The following THSD7B variants were observed in gnomAD, a reference collection of about 807,000 sequenced individuals.
THSD7B encodes thrombospondin type 1 domain containing 7B, also known as thrombospondin type-1 domain-containing protein 7B.
In THSD7B, 138 loss-of-function variants were observed where a neutral mutation model predicts 213.6. That is an observed-to-expected ratio of 0.65 (90% CI 0.56 to 0.74). The LOEUF is 0.74. Ranked by LOEUF, THSD7B falls within the 30% of genes least tolerant of loss-of-function variation. The pLI, the probability that THSD7B is intolerant of heterozygous loss-of-function variation, is 0.00. For missense variants in THSD7B, 1,931 were observed against 1,991.5 expected (o/e 0.97, Z 0.58); for synonymous variants, 742 against 687.0 (o/e 1.08, Z -1.25).
intron 10 of THSD7B, among the ~76,000 whole-genome samples, chr2:137,264,644 C>T (rs1285216600): frequency 6.6e-6 from 1 of 152,042 alleles, no homozygotes; most frequent in Non-Finnish European, 1.5e-5. Flanking sequence ...TGCCAAGTCT[C>T]TTCAGTATTA....
chr2:137,565,780 T>C (rs1681225560), intron 16 of THSD7B, among the ~76,000 whole-genome samples: 1 of 152,164 alleles, frequency 6.6e-6, no homozygotes, highest in African/African-American at 2.4e-5. Flanking sequence ...CAGGTCTTTC[T>C]TTTTCTGTTC....
intron 1 of THSD7B, among the ~76,000 whole-genome samples, chr2:136,868,573 T>G (rs1683382257): frequency 6.6e-6 from 1 of 152,238 alleles, no homozygotes. Flanking sequence ...ATAATTCTTT[T>G]GACATTAAAT....
chr2:136,990,285 T>C (rs1162480454), intron 2 of THSD7B, among the ~76,000 whole-genome samples: 1 of 152,222 alleles, frequency 6.6e-6, no homozygotes, highest in East Asian at 1.9e-4. Flanking sequence ...TCTTCAGTAA[T>C]GTGAGGGGCA....
intron 7 of THSD7B, among the ~76,000 whole-genome samples, chr2:137,180,867 C>T (rs1033740587): frequency 6.6e-6 from 1 of 152,160 alleles, no homozygotes; most frequent in Non-Finnish European, 1.5e-5. Context: ...TCCAACTTGG[C>T]CTGAGATTTA....
intron 15 of THSD7B, among the ~76,000 whole-genome samples, chr2:137,552,886 G>T (rs189703102): frequency 6.6e-6 from 1 of 152,276 alleles, no homozygotes; most frequent in African/African-American, 2.4e-5. Context: ...GGGAAAGTGT[G>T]AGCCATGAAT....
In THSD7B at chr2:137,657,155, T is replaced by C; in HGVS notation, c.4370T>C (p.Val1457Ala). Residue 1457 changes from valine (V) to alanine (A), a missense_variant, in exon 24 of 28, where the codon GTC becomes GCC. By Grantham distance (64) the Val-to-Ala change is moderately conservative. Coordinates refer to ENST00000409968, the MANE Select transcript of THSD7B (RefSeq NM_001316349.2). ...TGCCAGCGTTCAGATGGCGTTAATG[T>C]CACAGGTATTCCTGCCTAAGACTCA... is the stretch of plus-strand genomic sequence containing the variant. Reference protein sequence around the residue: ...VWCQRSDGVNVTGGCSPQARP... With the variant: ...VWCQRSDGVNATGGCSPQARP... 6.2e-7 allele frequency: 1 copy of C among 1,613,978 alleles called. No homozygotes were observed. The highest frequency in any genetic ancestry group is 8.5e-7 in the Non-Finnish European group (1 of 1,179,866).
chr2:137,289,524 T>C (rs1330163622), intron 12 of THSD7B, among the ~76,000 whole-genome samples: 3 of 152,126 alleles, frequency 2.0e-5, no homozygotes, highest in Non-Finnish European at 4.4e-5. Context: ...ATGTGTGTGA[T>C]ATTGTCAAAT....
In THSD7B at chr2:137,393,214, G is replaced by T. The variant is rs1293909250; in HGVS notation, c.2501-12399G>T. On this transcript the variant is annotated intron_variant, in intron 12 of 27. Transcript: ENST00000409968. ...TAGGGTACATGTGCACATTGTGCAGGTTAGTTACATATGTATACATGTGCC... is the reference window on the plus strand; with the variant it reads ...TAGGGTACATGTGCACATTGTGCAGTTTAGTTACATATGTATACATGTGCC... Among the ~76,000 whole-genome samples, 8 of 148,890 alleles carry T rather than the reference G, an allele frequency of 5.4e-5. No homozygotes were observed. The East Asian group carries it at 1.6e-3, about 29-fold the overall frequency.
intron 15 of THSD7B, among the ~76,000 whole-genome samples, chr2:137,536,838 G>A (rs1026061739): frequency 1.7e-4 from 25 of 151,504 alleles, no homozygotes; most frequent in Admixed American, 5.9e-4. Context: ...ATTTATTGCC[G>A]CATAGAAATT....
At chr2:137,224,923 A>G (rs945952890) in intron 7 of THSD7B, among the ~76,000 whole-genome samples, 1 of 151,894 alleles carries the variant, frequency 6.6e-6, no homozygotes, top group Non-Finnish European at 1.5e-5. Flanking sequence ...ATTTGGAAAT[A>G]TTTTTTTCTT....
intron 5 of THSD7B, among the ~76,000 whole-genome samples, chr2:137,119,380 G>A (rs573641563): frequency 2.6e-5 from 4 of 152,288 alleles, no homozygotes; most frequent in African/African-American, 7.2e-5. Flanking sequence ...AATAATAATT[G>A]AACTATTGAC....
At chr2:137,386,554 A>G (rs1338027857) in intron 12 of THSD7B, among the ~76,000 whole-genome samples, 2 of 152,150 alleles carry the variant, frequency 1.3e-5, no homozygotes, top group Non-Finnish European at 2.9e-5. Flanking sequence ...TTCTTTAACT[A>G]TTAGAGTTGA....
At chr2:137,672,900 A>G (rs557838984) in intron 27 of THSD7B, among the ~76,000 whole-genome samples, 7 of 152,328 alleles carry the variant, frequency 4.6e-5, no homozygotes, top group Non-Finnish European at 1.0e-4. Context: ...GTAAATATCC[A>G]TGAAGCAATT....
At chr2:137,048,195 A>G (rs958735169) in intron 2 of THSD7B, among the ~76,000 whole-genome samples, 1 of 152,284 alleles carries the variant, frequency 6.6e-6, no homozygotes, top group African/African-American at 2.4e-5. Flanking sequence ...GAAAGGAGAA[A>G]AGAAAAAAGT....
chr2:137,037,261 G>T (rs890186556), intron 2 of THSD7B, among the ~76,000 whole-genome samples: 1 of 152,032 alleles, frequency 6.6e-6, no homozygotes, highest in Non-Finnish European at 1.5e-5. Flanking sequence ...ACATATGTGA[G>T]TACTGCAAAT....
intron 15 of THSD7B, among the ~76,000 whole-genome samples, chr2:137,451,560 C>G (rs1421066362): frequency 6.6e-6 from 1 of 151,316 alleles, no homozygotes; most frequent in Admixed American, 6.6e-5. Context: ...TACCTGCTTT[C>G]TCAAAAATCA....
At chr2:137,259,659 T>G (rs181321284) in intron 10 of THSD7B, among the ~76,000 whole-genome samples, 153 of 151,888 alleles carry the variant, frequency 1.0e-3, no homozygotes, top group African/African-American at 3.6e-3. Flanking sequence ...GCTAGTTTCT[T>G]TTGCTGCTTG....
At position 137,560,903 on chromosome 2, in the gene THSD7B, C is replaced by G. The variant is rs1456680930; in HGVS notation, c.3139-2318C>G. Among the ~76,000 whole-genome samples, 3 of 152,084 alleles carry G rather than the reference C, an allele frequency of 2.0e-5. No homozygotes were observed. The East Asian group carries it at 5.8e-4, about 29-fold the overall frequency. ...ACTGTGACTGCATCCCAAAGAAACA[C>G]TAACTGGGGTCAGAGGAAGAGCCTT... On this transcript the variant is annotated intron_variant, in intron 15 of 27. Coordinates refer to ENST00000409968, the MANE Select transcript of THSD7B (RefSeq NM_001316349.2).
At chr2:137,335,635 A>G (rs533394243) in intron 12 of THSD7B, among the ~76,000 whole-genome samples, 14 of 152,334 alleles carry the variant, frequency 9.2e-5, no homozygotes, top group African/African-American at 3.4e-4. Context: ...GTAGTTAGAC[A>G]GATTGGAACC....
Sources: gnomAD v4.1 joint callset for allele counts (sites outside exome capture counted in the v4.1 genomes callset) on GRCh38, gnomAD v4.1.1 for gene constraint, MANE v1.5 for transcripts, NCBI Gene and HGNC (gene_info 2026-07-23, HGNC 2026-07-21) for gene names.